The following KIF6 variants were observed in gnomAD, a reference collection of about 807,000 sequenced individuals.
KIF6 encodes kinesin-like protein KIF6.
Under a neutral mutation model 112.7 loss-of-function variants are expected in KIF6, and 106 were observed. That is an observed-to-expected ratio of 0.94 (90% CI 0.80 to 1.11). KIF6 has a LOEUF of 1.11. Among genes scored for constraint, KIF6 ranks in the 50% least tolerant of loss-of-function variants. The probability of loss-of-function intolerance (pLI) is 0.00; values close to 1 mark genes in which losing one functional copy is unlikely to be tolerated. For synonymous variants in KIF6, 339 were observed against 339.9 expected (o/e 1.00, Z 0.03); for missense variants, 929 against 964.0 (o/e 0.96, Z 0.48).
intron 13 of KIF6, among the ~76,000 whole-genome samples, chr6:39,525,083 G>A (rs1167169018): frequency 2.0e-5 from 3 of 152,154 alleles, no homozygotes; most frequent in South Asian, 2.1e-4. Flanking sequence ...TGGGCAATTT[G>A]TCTTCTATGA....
intron 1 of KIF6, among the ~76,000 whole-genome samples, chr6:39,725,001 T>C (rs1376500122): frequency 2.0e-5 from 3 of 152,110 alleles, no homozygotes; most frequent in Non-Finnish European, 4.4e-5. Context: ...GCAAAAAAAA[T>C]GGCTCTCTGC....
chr6:39,360,807 G>A (rs1765073488), intron 17 of KIF6, among the ~76,000 whole-genome samples: 1 of 152,202 alleles, frequency 6.6e-6, no homozygotes, highest in South Asian at 2.1e-4. Context: ...ACTGCCATTT[G>A]CTGAGCACTT....
intron 3 of KIF6, among the ~76,000 whole-genome samples, chr6:39,668,831 T>C (rs1015686795): frequency 1.3e-5 from 2 of 151,992 alleles, no homozygotes; most frequent in African/African-American, 2.4e-5. Context: ...TGCAATTATG[T>C]GAATACATAT....
At chr6:39,338,902 G>A (rs1763167856) in intron 22 of KIF6, among the ~76,000 whole-genome samples, 1 of 141,780 alleles carries the variant, frequency 7.1e-6, no homozygotes, top group South Asian at 2.5e-4. Context: ...TCCCACCCAG[G>A]ATGGTCTCTG....
intron 13 of KIF6, among the ~76,000 whole-genome samples, chr6:39,448,592 G>A (rs1185247651): frequency 6.6e-6 from 1 of 152,146 alleles, no homozygotes; most frequent in Non-Finnish European, 1.5e-5. Context: ...CCTCCTGCCT[G>A]AAGCACTTCC....
At chr6:39,649,822 T>TA (rs1392560719) in intron 3 of KIF6, among the ~76,000 whole-genome samples, 6 of 152,218 alleles carry the variant, frequency 3.9e-5, no homozygotes, top group African/African-American at 1.4e-4. Context: ...TGAAATGTCG[T>TA]AAGCAATCCT....
At chr6:39,409,415 C>G (rs1220839498) in intron 15 of KIF6, among the ~76,000 whole-genome samples, 1 of 152,196 alleles carries the variant, frequency 6.6e-6, no homozygotes, top group Non-Finnish European at 1.5e-5. Flanking sequence ...GATGCCTCAT[C>G]AGTGACATAG....
intron 3 of KIF6, among the ~76,000 whole-genome samples, chr6:39,642,216 G>C (rs1239037711): frequency 6.6e-6 from 1 of 152,142 alleles, no homozygotes; most frequent in Non-Finnish European, 1.5e-5. Flanking sequence ...AATAATACCA[G>C]TGGCAAAAAT....
rs755810135 is a variant in KIF6 at position 39,540,195 on chromosome 6, C to CT, written c.1452dup (p.Glu485ArgfsTer16). 16 of 1,610,868 alleles carry CT rather than the reference C, an allele frequency of 9.9e-6. No homozygotes were observed. The highest frequency in any genetic ancestry group is 1.3e-5 in the African/African-American group (1 of 74,544). ...AGAGCCTCCTGAGCTTTCTTCTTTT[C>CT]TTTTTTTAACATGTTGACCAGGATA... On this transcript the variant is annotated frameshift_variant, in exon 13 of 23. Transcript: ENST00000287152. LOFTEE classifies it high-confidence loss of function.
intron 3 of KIF6, among the ~76,000 whole-genome samples, chr6:39,661,547 C>T (rs1786148895): frequency 6.6e-6 from 1 of 151,962 alleles, no homozygotes; most frequent in Non-Finnish European, 1.5e-5. Context: ...TTTCCTCTAC[C>T]CCAAGAATGT....
intron 1 of KIF6, among the ~76,000 whole-genome samples, chr6:39,725,026 G>C (rs1790453433): frequency 6.6e-6 from 1 of 152,230 alleles, no homozygotes; most frequent in African/African-American, 2.4e-5. Context: ...TCTGCGCTGT[G>C]CCAGGTAGGA....
In KIF6 at chr6:39,362,538, A is replaced by G. The variant is rs1432674669; in HGVS notation, c.1862-20T>C. The G allele has an allele frequency of 3.9e-6, 6 of 1,557,828 alleles. No homozygotes were observed. The highest frequency in any genetic ancestry group is 1.1e-5 in the South Asian group (1 of 90,010). ...AGATTCCTGTAGAAGGAAGGTGCCA[A>G]TGGGATGGTGAGAAAGAAGGGTAAA... On this transcript the variant is annotated intron_variant, in intron 16 of 22. Transcript: ENST00000287152.
chr6:39,636,638 G>A (rs1784635060), intron 4 of KIF6, among the ~76,000 whole-genome samples: 1 of 151,970 alleles, frequency 6.6e-6, no homozygotes. Flanking sequence ...GGAAAACAGA[G>A]TTCCATGGTC....
At position 39,549,227 on chromosome 6, in the gene KIF6, C is replaced by CAA. The variant is rs374509138; in HGVS notation, c.1182-3541_1182-3540dup. On this transcript the variant is annotated intron_variant, in intron 10 of 22. Transcript: ENST00000287152. Reference sequence around the variant, plus strand: ...CTCTCTGCTCCTTATATTCCTTGTACAAAAAAAAAAAGCTCTCTCTGTAGC... The same window carrying CAA: ...CTCTCTGCTCCTTATATTCCTTGTACAAAAAAAAAAAAAGCTCTCTCTGTAGC... Among the ~76,000 whole-genome samples, 285 of 139,438 alleles carry CAA rather than the reference C, an allele frequency of 2.0e-3. 3 individuals carry two copies. The highest frequency in any genetic ancestry group is 7.3e-3 in the African/African-American group (278 of 38,126). 91.5% of individuals were successfully genotyped at this position (139,438 alleles called of 152,430 possible). A position where few individuals can be genotyped will look rare whatever the true frequency, so the allele number is the denominator to read the frequency against.
At chr6:39,592,300 T>C (rs113905111) in intron 7 of KIF6, among the ~76,000 whole-genome samples, 107 of 152,324 alleles carry the variant, frequency 7.0e-4, no homozygotes, top group African/African-American at 2.5e-3. Context: ...AATAATTCTA[T>C]TTACTATTTA....
At chr6:39,513,943 A>C (rs1361528282) in intron 13 of KIF6, among the ~76,000 whole-genome samples, 1 of 152,262 alleles carries the variant, frequency 6.6e-6, no homozygotes, top group Non-Finnish European at 1.5e-5. Context: ...GTTTTTACAT[A>C]AAGTGGTGAT....
At chr6:39,507,797 T>C (rs1024152515) in intron 13 of KIF6, among the ~76,000 whole-genome samples, 3 of 150,738 alleles carry the variant, frequency 2.0e-5, no homozygotes, top group African/African-American at 7.3e-5. Flanking sequence ...ATAATATTAT[T>C]TCCCTAAAAG....
In KIF6 at chr6:39,431,055, C is replaced by T; in HGVS notation, c.1752G>A (p.Gln584=). The T allele has an allele frequency of 6.2e-7, 1 of 1,606,154 alleles. No homozygotes were observed. The highest frequency in any genetic ancestry group is 8.5e-7 in the Non-Finnish European group (1 of 1,173,182). Residue 584 remains glutamine (Q), a splice_region_variant and synonymous_variant, in exon 14 of 23, where the codon CAG becomes CAA. Transcript: ENST00000287152. ...GCTGCTCTCTGAGACAGCCTTACCT[C>T]TGTTTCAGAATCTGTTTGTTGTCAT... ...TIDDNKQILK[Q]RFSEAKALGE... is the part of the protein sequence containing the mutation.
chr6:39,553,275 T>G (rs1239960015), intron 10 of KIF6, among the ~76,000 whole-genome samples: 1 of 152,212 alleles, frequency 6.6e-6, no homozygotes, highest in Admixed American at 6.5e-5. Context: ...GTTTTGGTGA[T>G]GCAGAGGAAA....
Sources: allele counts gnomAD v4.1 joint callset (sites outside exome capture counted in the v4.1 genomes callset), GRCh38; gene constraint gnomAD v4.1.1; transcripts MANE v1.5; gene names NCBI Gene and HGNC (gene_info 2026-07-23, HGNC 2026-07-21).